The following FYN variants were observed in gnomAD, a reference collection of about 807,000 sequenced individuals.
The protein encoded by FYN is FYN proto-oncogene, Src family tyrosine kinase, also known as tyrosine-protein kinase Fyn.
In FYN, 10 loss-of-function variants were observed where a neutral mutation model predicts 70.2. The observed-to-expected ratio is 0.14, with a 90% CI of 0.09 to 0.24. The LOEUF (loss-of-function observed/expected upper bound fraction) is 0.24. Ranked by LOEUF, FYN falls within the 10% of genes least tolerant of loss-of-function variation. The pLI is 1.00. For synonymous variants in FYN, 236 were observed against 248.6 expected (o/e 0.95, Z 0.48); for missense variants, 319 against 673.1 (o/e 0.47, Z 5.82).
intron 3 of FYN, among the ~76,000 whole-genome samples, chr6:111,758,442 ATAT>A (rs1802846064): frequency 1.3e-5 from 2 of 152,234 alleles, no homozygotes; most frequent in Admixed American, 1.3e-4. Flanking sequence ...CTAGGGGTGT[ATAT>A]TAATGTGGAC....
At chr6:111,703,061 C>T (rs1330625525) in intron 7 of FYN, 27 bp from the exon 8 acceptor site, 24 of 1,607,426 alleles carry the variant, frequency 1.5e-5, no homozygotes, top group Non-Finnish European at 1.9e-5. Context: ...GCATTAGCAG[C>T]TCCAATCATT....
chr6:111,759,914 C>T (rs936974454), intron 3 of FYN: 69 of 152,082 alleles, frequency 4.5e-4, no homozygotes, highest in African/African-American at 1.4e-3. Flanking sequence ...ATTCTCTCCG[C>T]TGTGGTTTGA....
Position 111,774,729 on chromosome 6 carries a change from T to C in FYN, c.-12+5837A>G, listed in dbSNP as rs1012680633. Among the ~76,000 whole-genome samples, 25 of 152,104 alleles carry C rather than the reference T, an allele frequency of 1.6e-4. 1 individual carries two copies. Among genetic ancestry groups the C allele is most frequent in the Non-Finnish European group, 2.9e-4 (20 of 67,988 alleles). On this transcript the variant is annotated intron_variant, in intron 3 of 13. Transcript: ENST00000354650. Reference sequence around the variant, plus strand: ...ACTTATTAAGGGGATGGAGTCCCCTTAATTTTTGAGATGCAGTCTCACTCT... The same window carrying C: ...ACTTATTAAGGGGATGGAGTCCCCTCAATTTTTGAGATGCAGTCTCACTCT...
At chr6:111,756,452 A>C (rs1802741184) in intron 3 of FYN, among the ~76,000 whole-genome samples, 1 of 152,084 alleles carries the variant, frequency 6.6e-6, no homozygotes, top group Admixed American at 6.5e-5. Context: ...AAAACCAAAA[A>C]AAAATGCAGG....
chr6:111,739,559 G>A (rs915436093), intron 3 of FYN, among the ~76,000 whole-genome samples: 6 of 152,214 alleles, frequency 3.9e-5, no homozygotes, highest in African/African-American at 1.4e-4. Flanking sequence ...TGGCATGTGG[G>A]AGAGAAACAG....
chr6:111,824,782 C>T (rs1300173985), intron 2 of FYN, among the ~76,000 whole-genome samples: 1 of 152,226 alleles, frequency 6.6e-6, no homozygotes, highest in Non-Finnish European at 1.5e-5. Context: ...CAAATGAACA[C>T]TAGCTTTCAG....
chr6:111,679,675 A>T (rs1209652781), intron 12 of FYN, among the ~76,000 whole-genome samples: 5 of 152,082 alleles, frequency 3.3e-5, no homozygotes, highest in Non-Finnish European at 7.4e-5. Context: ...CACTGTCTGG[A>T]TGTCCTTTTA....
At chr6:111,814,701 A>G (rs1313210434) in intron 2 of FYN, among the ~76,000 whole-genome samples, 2 of 152,234 alleles carry the variant, frequency 1.3e-5, no homozygotes, top group South Asian at 2.1e-4. Flanking sequence ...AAAAATATCT[A>G]TTTGGTCTGA....
intron 13 of FYN, among the ~76,000 whole-genome samples, chr6:111,667,740 T>A (rs1180523422): frequency 6.6e-6 from 1 of 152,238 alleles, no homozygotes; most frequent in Non-Finnish European, 1.5e-5. Context: ...TCTGAAAAAA[T>A]GTCTTTTATG....
intron 1 of FYN, among the ~76,000 whole-genome samples, chr6:111,855,169 C>T (rs1359422651): frequency 6.6e-6 from 1 of 152,042 alleles, no homozygotes; most frequent in Admixed American, 6.5e-5. Context: ...GTGTTTTAAA[C>T]AGAAAATCAA....
At chr6:111,730,031 T>C (rs1222779164) in intron 3 of FYN, among the ~76,000 whole-genome samples, 1 of 152,214 alleles carries the variant, frequency 6.6e-6, no homozygotes, top group Non-Finnish European at 1.5e-5. Context: ...CTTTGTCAAC[T>C]GAAAAATTAA....
intron 2 of FYN, among the ~76,000 whole-genome samples, chr6:111,826,561 C>G (rs1772840363): frequency 6.6e-6 from 1 of 152,094 alleles, no homozygotes; most frequent in African/African-American, 2.4e-5. Flanking sequence ...TTTATAGCCC[C>G]CACTCCCTTA....
At chr6:111,708,063 A>C (rs941437837) in intron 5 of FYN, 43 bp from the exon 6 acceptor site, 2 of 1,463,242 alleles carry the variant, frequency 1.4e-6, no homozygotes, top group African/African-American at 2.8e-5. Context: ...CCATTTCAAC[A>C]GCTTGCAGTT....
At chr6:111,797,711 T>TATAC (rs1554290407) in intron 2 of FYN, among the ~76,000 whole-genome samples, 107 of 101,210 alleles carry the variant, frequency 1.1e-3, no homozygotes, top group Non-Finnish European at 1.9e-3. Context: ...TATATATATA[T>TATAC]ACACACACAC....
At chr6:111,784,956 T>C (rs1409924367) in intron 2 of FYN, among the ~76,000 whole-genome samples, 2 of 152,208 alleles carry the variant, frequency 1.3e-5, no homozygotes, top group African/African-American at 4.8e-5. Context: ...TAATTCTGCT[T>C]CACACATAGA....
intron 1 of FYN, among the ~76,000 whole-genome samples, chr6:111,863,783 G>A (rs1774029277): frequency 6.6e-6 from 1 of 152,186 alleles, no homozygotes; most frequent in African/African-American, 2.4e-5. Flanking sequence ...TAAATTACAA[G>A]TTAAGAGGTC....
chr6:111,758,419 T>C (rs943849068), intron 3 of FYN, among the ~76,000 whole-genome samples: 1 of 152,238 alleles, frequency 6.6e-6, no homozygotes, highest in Non-Finnish European at 1.5e-5. Flanking sequence ...TCTGTATCTT[T>C]AAGTACTTTA....
At chr6:111,835,588 G>A (rs1387587075) in intron 2 of FYN, among the ~76,000 whole-genome samples, 3 of 152,136 alleles carry the variant, frequency 2.0e-5, no homozygotes, top group East Asian at 1.9e-4. Flanking sequence ...GGCCAGGGTC[G>A]GTTCATACAA....
chr6:111,815,396 TA>T (rs1189172688), intron 2 of FYN, among the ~76,000 whole-genome samples: 5 of 152,236 alleles, frequency 3.3e-5, no homozygotes, highest in African/African-American at 1.2e-4. Context: ...TTTAATTGTC[TA>T]AAATGTCTTT....
Sources: gnomAD v4.1 joint callset for allele counts (sites outside exome capture counted in the v4.1 genomes callset) on GRCh38, gnomAD v4.1.1 for gene constraint, MANE v1.5 for transcripts, NCBI Gene and HGNC (gene_info 2026-07-23, HGNC 2026-07-21) for gene names.